FOXP1: variants seen among roughly 807,000 people sequenced by gnomAD.
The protein encoded by FOXP1 is forkhead box P1, also known as forkhead box protein P1.
FOXP1 carries 15 observed loss-of-function variants against 98.2 expected under a neutral mutation model. The ratio of observed to expected loss-of-function variants is 0.15; its 90% CI spans 0.10 to 0.24. The LOEUF is 0.24. Ranked by LOEUF, FOXP1 falls within the 10% of genes least tolerant of loss-of-function variation. FOXP1 has a pLI of 1.00. For synonymous variants in FOXP1, 371 were observed against 314.5 expected (o/e 1.18, Z -1.90); for missense variants, 633 against 848.5 (o/e 0.75, Z 3.15).
At position 71,381,062 on chromosome 3, in the gene FOXP1, T is replaced by C. The variant is rs573488900; in HGVS notation, c.-167-21818A>G. On this transcript the variant is annotated intron_variant, in intron 3 of 20. Coordinates refer to ENST00000649528, the MANE Select transcript of FOXP1 (RefSeq NM_001349338.3). ...TTCTTTTATCCACATCTGCACAACATTTGACCTGGTCGTCCCTTCTTACCT... is the reference window on the plus strand; with the variant it reads ...TTCTTTTATCCACATCTGCACAACACTTGACCTGGTCGTCCCTTCTTACCT... 3.9e-5 allele frequency among the ~76,000 whole-genome samples: 6 copies of C among 152,300 alleles called. No homozygotes were observed. The South Asian group carries it at 8.3e-4, about 21-fold the overall frequency.
intron 2 of FOXP1, chr3:71,571,976 C>T (rs924593678): frequency 6.6e-6 from 1 of 152,188 alleles, no homozygotes. Flanking sequence ...ATTTATATGG[C>T]TTTCTTACCA....
chr3:71,171,536 A>G (rs911358889), intron 6 of FOXP1, among the ~76,000 whole-genome samples: 1 of 152,148 alleles, frequency 6.6e-6, no homozygotes, highest in Non-Finnish European at 1.5e-5. Flanking sequence ...TTGAAGTTAA[A>G]GTACTGAATG....
At position 70,957,604 on chromosome 3, in the gene FOXP1, A is replaced by G; in HGVS notation, c.*1643T>C. On this transcript the variant is annotated 3_prime_UTR_variant, in exon 21 of 21. Coordinates refer to ENST00000649528, the MANE Select transcript of FOXP1 (RefSeq NM_001349338.3). ...AAAAAAACTACAGTCCTATATAAATAAATGACAGGAAAGTGGGTGCAGAGC... is the reference window on the plus strand; with the variant it reads ...AAAAAAACTACAGTCCTATATAAATGAATGACAGGAAAGTGGGTGCAGAGC... The G allele has an allele frequency of 4.3e-6, 1 of 232,800 alleles. No homozygotes were observed. Among genetic ancestry groups the G allele is most frequent in the East Asian group, 6.1e-5 (1 of 16,508 alleles). 14.4% of individuals were successfully genotyped at this position (232,800 alleles called of 1,614,324 possible). A position where few individuals can be genotyped will look rare whatever the true frequency, so the allele number is the denominator to read the frequency against.
rs568231096 is a variant in FOXP1, at chr3:71,156,898, C to T, written c.180+41304G>A. 9.1e-4 allele frequency among the ~76,000 whole-genome samples: 139 copies of T among 152,350 alleles called. 1 individual carries two copies. Among genetic ancestry groups the T allele is most frequent in the African/African-American group, 3.2e-3 (135 of 41,588 alleles). ...ACACCTGGGCAACCATTGGTCCTGC[C>T]TGCCACACTGGGCCAGGCTGGCTAA... On this transcript the variant is annotated intron_variant, in intron 6 of 20. Transcript: ENST00000649528.
intron 6 of FOXP1, among the ~76,000 whole-genome samples, chr3:71,117,362 C>G (rs550153365): frequency 6.6e-6 from 1 of 152,322 alleles, no homozygotes; most frequent in African/African-American, 2.4e-5. Flanking sequence ...GTTGGGATTA[C>G]AAGTGTGAGC....
At chr3:71,224,639 G>A (rs150842046) in intron 5 of FOXP1, among the ~76,000 whole-genome samples, 104 of 152,284 alleles carry the variant, frequency 6.8e-4, no homozygotes, top group African/African-American at 2.2e-3. Flanking sequence ...CAAAGGGAGA[G>A]GGCCCAGCAC....
intron 5 of FOXP1, among the ~76,000 whole-genome samples, chr3:71,242,835 T>A (rs984418744): frequency 6.6e-6 from 1 of 151,998 alleles, no homozygotes; most frequent in Non-Finnish European, 1.5e-5. Flanking sequence ...AATCGTATTA[T>A]CTAAACAGTG....
At chr3:71,381,074 G>A (rs114039135) in intron 3 of FOXP1, among the ~76,000 whole-genome samples, 2,184 of 151,700 alleles carry the variant, frequency 0.014, 48 homozygotes, top group African/African-American at 0.05. Flanking sequence ...TGACCTGGTC[G>A]TCCCTTCTTA....
In FOXP1 at chr3:71,429,002, G is replaced by A. The variant is rs145930438; in HGVS notation, c.-168+64424C>T. On this transcript the variant is annotated intron_variant, in intron 3 of 20. Transcript: ENST00000649528. ...CTTTGAAACTCCCTGGACTAGTGCCGACATGCAGACAGTAGTCGGCTGACA... is the reference window on the plus strand; with the variant it reads ...CTTTGAAACTCCCTGGACTAGTGCCAACATGCAGACAGTAGTCGGCTGACA... Among the ~76,000 whole-genome samples, 507 of 152,274 alleles carry A rather than the reference G, an allele frequency of 3.3e-3. 1 individual carries two copies. Among genetic ancestry groups the A allele is most frequent in the East Asian group, 6.2e-3 (32 of 5,188 alleles).
chr3:71,091,321 C>T (rs1266255175), intron 7 of FOXP1, among the ~76,000 whole-genome samples: 5 of 152,006 alleles, frequency 3.3e-5, no homozygotes, highest in Non-Finnish European at 5.9e-5. Context: ...GAAACCCCGT[C>T]TCTACTAAAA....
rs149745814 is a variant in FOXP1 at position 71,326,536 on chromosome 3, T to C, written c.-72-26656A>G. 3.6e-3 allele frequency among the ~76,000 whole-genome samples: 549 copies of C among 152,246 alleles called. 2 individuals are homozygous for C. Among genetic ancestry groups the C allele is most frequent in the African/African-American group, 0.012 (515 of 41,546 alleles). On this transcript the variant is annotated intron_variant, in intron 4 of 20. Coordinates refer to ENST00000649528, the MANE Select transcript of FOXP1 (RefSeq NM_001349338.3). ...CTGGCTCTCAGAACAAAATCTGCAA[T>C]AGATTCTTCAAGAGATGTGTTGTGA...
chr3:70,976,729 A>C (rs1216326020), intron 17 of FOXP1, among the ~76,000 whole-genome samples: 1 of 152,168 alleles, frequency 6.6e-6, no homozygotes, highest in African/African-American at 2.4e-5. Context: ...GCCCCTCCAC[A>C]CTGCTGATGC....
chr3:71,554,467 T>C (rs959405856), intron 2 of FOXP1, among the ~76,000 whole-genome samples: 4 of 152,356 alleles, frequency 2.6e-5, no homozygotes, highest in African/African-American at 9.6e-5. Flanking sequence ...TTTCAAATAA[T>C]GTTAGATGCT....
At chr3:70,987,677 T>C (rs947225198) in intron 14 of FOXP1, among the ~76,000 whole-genome samples, 1 of 152,200 alleles carries the variant, frequency 6.6e-6, no homozygotes, top group African/African-American at 2.4e-5. Context: ...TTCAGAAAGA[T>C]TTTCTTTTTC....
intron 6 of FOXP1, among the ~76,000 whole-genome samples, chr3:71,192,332 A>T (rs1034788600): frequency 6.6e-6 from 1 of 152,312 alleles, no homozygotes; most frequent in East Asian, 1.9e-4. Flanking sequence ...GTCATTTCCC[A>T]TAAGGTATGA....
chr3:71,418,120 TG>T (rs2083357947), intron 3 of FOXP1, among the ~76,000 whole-genome samples: 3 of 132,818 alleles, frequency 2.3e-5, no homozygotes, highest in Admixed American at 2.1e-4. Context: ...CTTGTGGGTG[TG>T]TGTGTGTGTG....
intron 14 of FOXP1, among the ~76,000 whole-genome samples, chr3:70,983,512 A>C (rs1008873655): frequency 6.6e-6 from 1 of 152,222 alleles, no homozygotes; most frequent in African/African-American, 2.4e-5. Context: ...CTATGGTTAG[A>C]GGAAAAGAAA....
chr3:71,542,906 G>A (rs115142533), intron 2 of FOXP1, among the ~76,000 whole-genome samples: 14 of 152,338 alleles, frequency 9.2e-5, no homozygotes, highest in South Asian at 6.2e-4. Context: ...GGGAGCAGGC[G>A]GTGTAGCATC....
rs543851798 is a variant in FOXP1, at chr3:71,240,703, G to A, written c.-11-42311C>T. ...ATTACAGGCGCGTGCCACCATGCCC[G>A]GCTAATTTTGTTTTTGTATTTTTAG... On this transcript the variant is annotated intron_variant, in intron 5 of 20. Transcript: ENST00000649528. Among the ~76,000 whole-genome samples, 39 of 151,608 alleles carry A rather than the reference G, an allele frequency of 2.6e-4. No individual in the cohort carries two copies. In the East Asian group the frequency reaches 5.8e-3, roughly 23 times the overall value.
Sources: allele counts gnomAD v4.1 joint callset (sites outside exome capture counted in the v4.1 genomes callset), GRCh38; gene constraint gnomAD v4.1.1; transcripts MANE v1.5; gene names NCBI Gene and HGNC (gene_info 2026-07-23, HGNC 2026-07-21).